Variants in PSMC2 observed in about 807,000 individuals in gnomAD.
The protein encoded by PSMC2 is proteasome 26S subunit, ATPase 2.
A neutral mutation model predicts 53.3 loss-of-function variants in PSMC2; 7 were observed. That is an observed-to-expected ratio of 0.13 (90% CI 0.07 to 0.25). The LOEUF is 0.25. Among genes scored for constraint, PSMC2 ranks in the 10% least tolerant of loss-of-function variants. The pLI, the probability that PSMC2 is intolerant of heterozygous loss-of-function variation, is 1.00. For synonymous variants in PSMC2, 169 were observed against 183.9 expected (o/e 0.92, Z 0.66); for missense variants, 241 against 544.0 (o/e 0.44, Z 5.54).
chr7:103,354,073 C>G, intron 2 of PSMC2, 115 bp downstream of exon 2: 1 of 760,608 alleles, frequency 1.3e-6, no homozygotes, highest in South Asian at 2.2e-5. Flanking sequence ...ATTAAAAAAC[C>G]AAACAAAAAA....
At chr7:103,366,543 T>C (rs1295665248) in intron 9 of PSMC2, among the ~76,000 whole-genome samples, 1 of 152,242 alleles carries the variant, frequency 6.6e-6, no homozygotes, top group East Asian at 1.9e-4. Context: ...GCTTTTGTCA[T>C]GTTGGTGCTC....
At chr7:103,348,644 G>T in intron 1 of PSMC2, 1 of 1,458,638 alleles carries the variant, frequency 6.9e-7, no homozygotes, top group Non-Finnish European at 9.6e-7. Context: ...CGAAAATTCG[G>T]CCAGGGTTCT....
In PSMC2 at chr7:103,368,102, A is replaced by G. The variant is rs1803991; in HGVS notation, c.*48A>G. ...AACTTTAAATTGGAATCCTAACCTT[A>G]TATAGACTTGTTAATAACCAATTCA... On this transcript the variant is annotated 3_prime_UTR_variant, in exon 12 of 12. Coordinates refer to ENST00000292644, the MANE Select transcript of PSMC2 (RefSeq NM_002803.4). The G allele has an allele frequency of 6.6e-7, 1 of 1,505,838 alleles. No individual in the cohort carries two copies. The highest frequency in any genetic ancestry group is 1.3e-5 in the South Asian group (1 of 79,006). 93.3% of individuals were successfully genotyped at this position (1,505,838 alleles called of 1,614,324 possible). A position where few individuals can be genotyped will look rare whatever the true frequency, so the allele number is the denominator to read the frequency against.
chr7:103,348,524 GGACGTGTA>G, intron 1 of PSMC2: 1 of 677,400 alleles, frequency 1.5e-6, no homozygotes. Context: ...TATTATTGAT[GGACGTGTA>G]GATTTTTCCA....
intron 8 of PSMC2, 105 bp from the exon 9 acceptor site, chr7:103,365,971 G>T: frequency 1.1e-6 from 1 of 881,194 alleles, no homozygotes; most frequent in South Asian, 1.6e-5. Context: ...TAATGGGTGA[G>T]AATACTGTTA....
intron 4 of PSMC2, among the ~76,000 whole-genome samples, chr7:103,360,627 T>C (rs1820328697): frequency 6.6e-6 from 1 of 152,210 alleles, no homozygotes; most frequent in South Asian, 2.1e-4. Context: ...ATTTTTGTAT[T>C]TCTCTGTAAT....
intron 7 of PSMC2, among the ~76,000 whole-genome samples, chr7:103,363,791 G>T (rs999883117): frequency 1.3e-5 from 2 of 152,128 alleles, no homozygotes; most frequent in Non-Finnish European, 2.9e-5. Flanking sequence ...GGTTAAACTT[G>T]GGAGGATAAT....
chr7:103,361,278 T>C (rs1459319082), intron 4 of PSMC2, among the ~76,000 whole-genome samples: 1 of 150,572 alleles, frequency 6.6e-6, no homozygotes, highest in Non-Finnish European at 1.5e-5. Context: ...GAGGTTGGGA[T>C]TTCGAGACCA....
intron 1 of PSMC2, 106 bp downstream of exon 1, chr7:103,347,887 CT>C: frequency 8.0e-7 from 1 of 1,257,074 alleles, no homozygotes; most frequent in Non-Finnish European, 1.2e-6. Flanking sequence ...TGCTCTGGCC[CT>C]TTTGTGCCCC....
chr7:103,353,741 G>A (rs1354750326), intron 1 of PSMC2, among the ~76,000 whole-genome samples, 180 bp from the exon 2 acceptor site: 1 of 152,164 alleles, frequency 6.6e-6, no homozygotes, highest in Non-Finnish European at 1.5e-5. Flanking sequence ...CTCCCAGTTA[G>A]ATAAAAATTC....
chr7:103,348,427 ATATATAT>A (rs1266635396), intron 1 of PSMC2, among the ~76,000 whole-genome samples: 5 of 152,318 alleles, frequency 3.3e-5, no homozygotes, highest in Admixed American at 2.6e-4. Context: ...TAAAAAATTA[ATATATAT>A]TAGAGATACT....
chr7:103,359,278 G>A (rs1010036417), intron 4 of PSMC2, among the ~76,000 whole-genome samples: 1 of 150,366 alleles, frequency 6.7e-6, no homozygotes, highest in African/African-American at 2.4e-5. Context: ...GATTACAGGT[G>A]TGAGCCACCG....
At chr7:103,361,235 G>A (rs1343366586) in intron 4 of PSMC2, among the ~76,000 whole-genome samples, 2 of 151,838 alleles carry the variant, frequency 1.3e-5, no homozygotes, top group Non-Finnish European at 2.9e-5. Context: ...TGTAATCCCA[G>A]CACTTTGGGA....
intron 1 of PSMC2, among the ~76,000 whole-genome samples, chr7:103,353,392 C>T (rs528577652): frequency 3.2e-4 from 49 of 152,142 alleles, no homozygotes; most frequent in Non-Finnish European, 6.5e-4. Flanking sequence ...CTGCAACCTC[C>T]GCCTCCTGGG....
chr7:103,348,220 C>G (rs1182782900), intron 1 of PSMC2, among the ~76,000 whole-genome samples: 1 of 152,182 alleles, frequency 6.6e-6, no homozygotes, highest in African/African-American at 2.4e-5. Context: ...GTTCACAATT[C>G]AAGAGGCAGA....
Position 103,363,382 on chromosome 7 carries a change from T to G in PSMC2, c.534T>G (p.Gly178=). The change falls in exon 7 of 12, where the codon GGT becomes GGG. Residue 178 remains glycine, a synonymous_variant. Coordinates refer to ENST00000292644, the MANE Select transcript of PSMC2 (RefSeq NM_002803.4). ...EKPDVTYSDV[G]GCKEQIEKLR... is the part of the protein sequence containing the mutation. The stretch of plus-strand genomic sequence containing the variant: ...CTGATGTCACATACAGTGATGTTGG[T>G]GGCTGTAAGGAACAGATTGAGAAAC... 5 of 1,614,090 alleles carry G rather than the reference T, an allele frequency of 3.1e-6. No homozygotes were observed. Among genetic ancestry groups the G allele is most frequent in the Non-Finnish European group, 4.2e-6 (5 of 1,179,934 alleles).
intron 8 of PSMC2, 49 bp from the exon 9 acceptor site, chr7:103,366,027 A>G (rs1298102241): frequency 6.9e-7 from 1 of 1,443,278 alleles, no homozygotes; most frequent in East Asian, 2.3e-5. Flanking sequence ...TACTTATTTT[A>G]AAATATTTTG....
intron 1 of PSMC2, chr7:103,348,877 G>C: frequency 2.0e-6 from 1 of 509,264 alleles, no homozygotes; most frequent in Non-Finnish European, 3.6e-6. Context: ...TCTTGTTTAT[G>C]TAACTTTTAC....
chr7:103,351,996 T>C (rs1322546085), intron 1 of PSMC2, among the ~76,000 whole-genome samples: 3 of 151,986 alleles, frequency 2.0e-5, no homozygotes, highest in Non-Finnish European at 4.4e-5. Flanking sequence ...GTTCTTCATA[T>C]CTCAGCGAGC....
Sources: gnomAD v4.1 joint callset for allele counts (sites outside exome capture counted in the v4.1 genomes callset) on GRCh38, gnomAD v4.1.1 for gene constraint, MANE v1.5 for transcripts, NCBI Gene and HGNC (gene_info 2026-07-23, HGNC 2026-07-21) for gene names.